The following AP3S2 variants were observed in gnomAD, a reference collection of about 807,000 sequenced individuals.
AP3S2 encodes the protein adaptor related protein complex 3 subunit sigma 2.
AP3S2 carries 22 observed loss-of-function variants against 23.4 expected under a neutral mutation model. The observed-to-expected ratio is 0.94, with a 90% confidence interval of 0.67 to 1.34. The LOEUF (loss-of-function observed/expected upper bound fraction) is 1.34, where lower values mean the gene tolerates loss of function less well. Among genes scored for constraint, AP3S2 ranks in the 40% most tolerant of loss-of-function variants. The pLI, the probability that AP3S2 is intolerant of heterozygous loss-of-function variation, is 0.00. For synonymous variants in AP3S2, 86 were observed against 87.1 expected, an observed-to-expected ratio of 0.99 and a Z score of 0.07; for missense variants, 241 against 236.9, an observed-to-expected ratio of 1.02 and a Z score of -0.11.
At chr15:89,842,096 A>G (rs1297237363) in intron 4 of AP3S2, among the ~76,000 whole-genome samples, 1 of 152,140 alleles carries the variant, frequency 6.6e-6, no homozygotes, top group Non-Finnish European at 1.5e-5. Flanking sequence ...AACTGAGGAA[A>G]GAAGTGAAAG....
At chr15:89,875,187 G>A (rs1416346103) in intron 3 of AP3S2, among the ~76,000 whole-genome samples, 5 of 152,176 alleles carry the variant, frequency 3.3e-5, no homozygotes, top group East Asian at 1.9e-4. Flanking sequence ...TCTGTTCTGC[G>A]GCAGCCAGAG....
At chr15:89,873,974 G>A (rs1347209231) in intron 3 of AP3S2, among the ~76,000 whole-genome samples, 9 of 146,090 alleles carry the variant, frequency 6.2e-5, no homozygotes, top group Admixed American at 2.1e-4. Flanking sequence ...TCAGCCTCCC[G>A]GGTGCAGGTG....
At chr15:89,861,864 G>C (rs1383123379) in intron 4 of AP3S2, among the ~76,000 whole-genome samples, 1 of 152,194 alleles carries the variant, frequency 6.6e-6, no homozygotes, top group Non-Finnish European at 1.5e-5. Flanking sequence ...GATCACAATA[G>C]GCTAGACCAT....
At chr15:89,849,409 C>T (rs912457243) in intron 4 of AP3S2, among the ~76,000 whole-genome samples, 33 of 152,068 alleles carry the variant, frequency 2.2e-4, no homozygotes, top group East Asian at 1.2e-3. Flanking sequence ...CTCTGTCGCT[C>T]AGGCTGGAGT....
intron 3 of AP3S2, chr15:89,878,289 T>C (rs1896490330): frequency 1.5e-6 from 1 of 664,752 alleles, no homozygotes; most frequent in East Asian, 2.8e-5. Flanking sequence ...AGAAAACAAC[T>C]TCCAGATGTA....
At chr15:89,868,810 G>C (rs1423441355) in intron 4 of AP3S2, among the ~76,000 whole-genome samples, 67 of 132,728 alleles carry the variant, frequency 5.0e-4, no homozygotes, top group African/African-American at 1.9e-3. Context: ...GCCCCGTCCG[G>C]GAGGGAGGTG....
intron 3 of AP3S2, among the ~76,000 whole-genome samples, chr15:89,883,385 A>C (rs1229627530): frequency 6.6e-6 from 1 of 151,958 alleles, no homozygotes. Flanking sequence ...ATTAGAGTAA[A>C]CAATAAAAGA....
intron 3 of AP3S2, among the ~76,000 whole-genome samples, chr15:89,888,104 T>C (rs1450930322): frequency 1.3e-5 from 2 of 152,262 alleles, no homozygotes; most frequent in African/African-American, 2.4e-5. Context: ...TAGCATCTAT[T>C]TGAGTGCTTT....
At chr15:89,860,611 G>A (rs560308340) in intron 4 of AP3S2, among the ~76,000 whole-genome samples, 1 of 152,074 alleles carries the variant, frequency 6.6e-6, no homozygotes, top group Non-Finnish European at 1.5e-5. Context: ...TGCATAACTG[G>A]AACTACAGAA....
chr15:89,869,923 T>G (rs1896279721), intron 4 of AP3S2, among the ~76,000 whole-genome samples: 2 of 152,180 alleles, frequency 1.3e-5, no homozygotes, highest in South Asian at 4.1e-4. Flanking sequence ...GTACTTTTAG[T>G]AGAGACAAGG....
At chr15:89,870,242 C>T (rs1051616464) in intron 4 of AP3S2, among the ~76,000 whole-genome samples, 1 of 152,088 alleles carries the variant, frequency 6.6e-6, no homozygotes, top group Non-Finnish European at 1.5e-5. Flanking sequence ...AAGTACAAAA[C>T]AACTCTAAGT....
intron 3 of AP3S2, among the ~76,000 whole-genome samples, chr15:89,873,876 C>CTTT (rs3055916): frequency 1.4e-3 from 109 of 76,870 alleles, no homozygotes; most frequent in Non-Finnish European, 1.7e-3. Flanking sequence ...TTCTCTGTGG[C>CTTT]TTTTTTTTTT....
intron 4 of AP3S2, among the ~76,000 whole-genome samples, chr15:89,842,299 A>G (rs1895347843): frequency 6.6e-6 from 1 of 152,250 alleles, no homozygotes; most frequent in African/African-American, 2.4e-5. Flanking sequence ...AGAAAACTTT[A>G]ACATGAATGG....
chr15:89,873,039 T>C (rs191376821), intron 3 of AP3S2, among the ~76,000 whole-genome samples: 2 of 152,220 alleles, frequency 1.3e-5, no homozygotes, highest in African/African-American at 4.8e-5. Flanking sequence ...TTCATATTAG[T>C]GCCATTCATA....
chr15:89,875,312 G>A lies in AP3S2; in HGVS notation c.274-3766C>T, dbSNP rs574258679. ...GTTCTCAAGATAGGGTAGTTATCCA[G>A]GACAAGATGGACTAGCCCCAGAAAA... is the stretch of plus-strand genomic sequence containing the variant. On this transcript the variant is annotated intron_variant, in intron 3 of 5. Transcript: ENST00000336418. Among the ~76,000 whole-genome samples the A allele has an allele frequency of 1.2e-4, 18 of 152,332 alleles. No individual in the cohort carries two copies. The South Asian group carries it at 3.3e-3, about 28-fold the overall frequency.
chr15:89,850,408 G>A (rs185355265), intron 4 of AP3S2, among the ~76,000 whole-genome samples: 15 of 152,238 alleles, frequency 9.9e-5, no homozygotes, highest in African/African-American at 3.6e-4. Context: ...CTGGTTTAGG[G>A]GCCACAGAGA....
intron 5 of AP3S2, among the ~76,000 whole-genome samples, chr15:89,836,617 G>A (rs1895198266): frequency 6.6e-6 from 1 of 152,184 alleles, no homozygotes; most frequent in African/African-American, 2.4e-5. Context: ...CCCACGTGGA[G>A]GGAACGGCAA....
chr15:89,844,231 CTT>C (rs757977922), intron 4 of AP3S2, among the ~76,000 whole-genome samples: 1 of 58,986 alleles, frequency 1.7e-5, no homozygotes, highest in African/African-American at 6.7e-5. Context: ...TTCTTTCTTT[CTT>C]TCTTTCTTTC....
At chr15:89,849,126 A>G (rs550470384) in intron 4 of AP3S2, 5 of 152,320 alleles carry the variant, frequency 3.3e-5, no homozygotes, top group Non-Finnish European at 7.4e-5. Context: ...AGTGAACAAC[A>G]TGGAACACAT....
Sources: allele counts gnomAD v4.1 joint callset (sites outside exome capture counted in the v4.1 genomes callset), GRCh38; gene constraint gnomAD v4.1.1; transcripts MANE v1.5; gene names NCBI Gene and HGNC (gene_info 2026-07-23, HGNC 2026-07-21).